SUPT3H: variants seen among roughly 807,000 people sequenced by gnomAD.
The protein encoded by SUPT3H is transcription initiation protein SPT3 homolog.
In SUPT3H, 44 loss-of-function variants were observed where a neutral mutation model predicts 44.3. The observed-to-expected ratio is 0.99, with a 90% CI of 0.78 to 1.28. SUPT3H has a LOEUF of 1.28. SUPT3H is among the 50% of genes most tolerant of loss of function. The probability of loss-of-function intolerance (pLI) is 0.00; values close to 1 mark genes in which losing one functional copy is unlikely to be tolerated. For missense variants in SUPT3H, 380 were observed against 387.1 expected (o/e 0.98, Z 0.15); for synonymous variants, 124 against 125.6 (o/e 0.99, Z 0.09).
At chr6:45,328,143 C>A in intron 2 of SUPT3H, 1 of 579,056 alleles carries the variant, frequency 1.7e-6, no homozygotes, top group Non-Finnish European at 2.6e-6. Context: ...GGCCTTACCA[C>A]AAGCCTTTTG....
chr6:44,907,375 A>T (rs929905733), intron 10 of SUPT3H, among the ~76,000 whole-genome samples: 2 of 152,100 alleles, frequency 1.3e-5, no homozygotes, highest in Non-Finnish European at 2.9e-5. Context: ...CAGTTTTCTT[A>T]CCTATAAAAT....
Position 44,857,135 on chromosome 6 carries a change from TTC to T in SUPT3H, c.913-27280_913-27279del, listed in dbSNP as rs1368246308. On this transcript the variant is annotated intron_variant, in intron 10 of 10. Coordinates refer to ENST00000371459, the MANE Select transcript of SUPT3H (RefSeq NM_003599.4). ...TCAATAGTATATTAATTGGTAAATT[TTC>T]TTTTTTATTGTTACTGTCTGCATTT... Among the ~76,000 whole-genome samples, 16 of 152,336 alleles carry T rather than the reference TTC, an allele frequency of 1.1e-4. 1 individual carries two copies. In the South Asian group the frequency reaches 2.7e-3, roughly 26 times the overall value.
At chr6:45,113,552 G>A (rs2153575560) in intron 2 of SUPT3H, among the ~76,000 whole-genome samples, 1 of 152,180 alleles carries the variant, frequency 6.6e-6, no homozygotes, top group Middle Eastern at 3.4e-3. Context: ...TATCAAATAA[G>A]GCTGGGCGTG....
At chr6:45,265,856 T>A (rs551828501) in intron 2 of SUPT3H, among the ~76,000 whole-genome samples, 6 of 152,056 alleles carry the variant, frequency 3.9e-5, no homozygotes, top group Non-Finnish European at 8.8e-5. Flanking sequence ...AAGATCACAC[T>A]ATAACAATAA....
intron 2 of SUPT3H, among the ~76,000 whole-genome samples, chr6:45,156,527 T>C (rs1807840684): frequency 6.6e-6 from 1 of 151,632 alleles, no homozygotes; most frequent in South Asian, 2.1e-4. Flanking sequence ...TCTGTTCTGA[T>C]ACTAATATAA....
At chr6:45,240,945 G>A (rs1408208692) in intron 2 of SUPT3H, among the ~76,000 whole-genome samples, 1 of 152,170 alleles carries the variant, frequency 6.6e-6, no homozygotes, top group Non-Finnish European at 1.5e-5. Flanking sequence ...AAGCATCCCA[G>A]GCACACCTGA....
At chr6:44,949,142 A>G (rs534276538) in intron 9 of SUPT3H, among the ~76,000 whole-genome samples, 78 of 152,326 alleles carry the variant, frequency 5.1e-4, no homozygotes, top group Middle Eastern at 6.8e-3. Flanking sequence ...ACGCAAGGAC[A>G]GAAAACCAAA....
At chr6:44,812,892 G>A (rs1766631628) in intron 11 of SUPT3H, among the ~76,000 whole-genome samples, 1 of 152,140 alleles carries the variant, frequency 6.6e-6, no homozygotes, top group African/African-American at 2.4e-5. Flanking sequence ...AATTCTGCAT[G>A]CAATTTCCCC....
At chr6:44,928,886 A>ATAAAAAT (rs1474494728) in intron 10 of SUPT3H, among the ~76,000 whole-genome samples, 1 of 122,654 alleles carries the variant, frequency 8.2e-6, no homozygotes, top group Admixed American at 8.2e-5. Context: ...CCGTCTCAAA[A>ATAAAAAT]AAAAAAAAAA....
chr6:45,346,827 A>T (rs1220330586), intron 2 of SUPT3H, among the ~76,000 whole-genome samples: 1 of 152,152 alleles, frequency 6.6e-6, no homozygotes, highest in Non-Finnish European at 1.5e-5. Flanking sequence ...GGCCCCCCAA[A>T]GTGCTAGGAT....
At chr6:45,278,309 T>C (rs1393185515) in intron 2 of SUPT3H, among the ~76,000 whole-genome samples, 1 of 151,720 alleles carries the variant, frequency 6.6e-6, no homozygotes, top group Non-Finnish European at 1.5e-5. Context: ...AAAAAGAAAA[T>C]ATACTTTAAT....
intron 10 of SUPT3H, among the ~76,000 whole-genome samples, chr6:44,900,837 G>C (rs180690789): frequency 2.6e-5 from 4 of 152,234 alleles, no homozygotes; most frequent in Admixed American, 2.6e-4. Flanking sequence ...CCAGAGGAAC[G>C]ATCAGGCAGC....
At chr6:44,970,959 C>G (rs1777489925) in intron 6 of SUPT3H, among the ~76,000 whole-genome samples, 1 of 152,134 alleles carries the variant, frequency 6.6e-6, no homozygotes. Context: ...GAATAAAAGT[C>G]TAGCATCTTT....
intron 9 of SUPT3H, among the ~76,000 whole-genome samples, chr6:44,933,150 T>A (rs566584833): frequency 6.6e-6 from 1 of 152,308 alleles, no homozygotes; most frequent in Admixed American, 6.5e-5. Context: ...AGGAGCTTCT[T>A]TGGCACATTT....
chr6:45,357,946 C>A (rs570308531), intron 2 of SUPT3H, among the ~76,000 whole-genome samples: 1 of 152,130 alleles, frequency 6.6e-6, no homozygotes, highest in East Asian at 1.9e-4. Context: ...AAACTGAACA[C>A]ATTTCTTTAT....
chr6:45,083,417 C>A (rs1796085055), intron 3 of SUPT3H, among the ~76,000 whole-genome samples: 1 of 151,844 alleles, frequency 6.6e-6, no homozygotes, highest in Admixed American at 6.6e-5. Flanking sequence ...GTCTTGAACT[C>A]CTGACCTCAT....
intron 2 of SUPT3H, among the ~76,000 whole-genome samples, chr6:45,340,467 G>A (rs1470216990): frequency 6.6e-6 from 1 of 151,880 alleles, no homozygotes; most frequent in Non-Finnish European, 1.5e-5. Flanking sequence ...TGGACTACAG[G>A]CACGCACCAC....
At chr6:44,864,183 G>C (rs1222768893) in intron 10 of SUPT3H, among the ~76,000 whole-genome samples, 1 of 152,176 alleles carries the variant, frequency 6.6e-6, no homozygotes, top group Non-Finnish European at 1.5e-5. Context: ...GACAAGGCAA[G>C]TCTCTTCCGC....
chr6:44,982,512 G>A (rs540031231), intron 6 of SUPT3H, among the ~76,000 whole-genome samples: 3 of 152,264 alleles, frequency 2.0e-5, no homozygotes, highest in Admixed American at 6.5e-5. Flanking sequence ...ACCATGCCCA[G>A]CCCGATTCTT....
Sources: allele counts gnomAD v4.1 joint callset (sites outside exome capture counted in the v4.1 genomes callset), GRCh38; gene constraint gnomAD v4.1.1; transcripts MANE v1.5; gene names NCBI Gene and HGNC (gene_info 2026-07-23, HGNC 2026-07-21).